NKAIN2: variants seen among roughly 807,000 people sequenced by gnomAD.
NKAIN2 encodes the protein sodium/potassium-transporting ATPase subunit beta-1-interacting protein 2.
In NKAIN2, 14 loss-of-function variants were observed where a neutral mutation model predicts 32.6. The observed-to-expected ratio is 0.43, with a 90% CI of 0.28 to 0.67. The LOEUF (loss-of-function observed/expected upper bound fraction) is 0.67. Among genes scored for constraint, NKAIN2 ranks in the 30% least tolerant of loss-of-function variants. The pLI, the probability that NKAIN2 is intolerant of heterozygous loss-of-function variation, is 0.17. For synonymous variants in NKAIN2, 80 were observed against 87.2 expected, an observed-to-expected ratio of 0.92 and a Z score of 0.46; for missense variants, 198 against 258.3, an observed-to-expected ratio of 0.77 and a Z score of 1.60.
At chr6:124,772,308 A>G (rs1042036363) in intron 4 of NKAIN2, among the ~76,000 whole-genome samples, 15 of 152,182 alleles carry the variant, frequency 9.9e-5, no homozygotes, top group African/African-American at 3.1e-4. Flanking sequence ...TCTGAGATTC[A>G]GGATAATCCA....
At chr6:124,737,703 T>C (rs6915935) in intron 4 of NKAIN2, among the ~76,000 whole-genome samples, 88,237 of 151,572 alleles carry the variant, frequency 0.58, 26,083 homozygotes, top group East Asian at 0.72. Flanking sequence ...TTCCTTGAGA[T>C]TTGTTGAATG....
At chr6:123,906,877 A>G (rs1774902768) in intron 1 of NKAIN2, among the ~76,000 whole-genome samples, 1 of 152,232 alleles carries the variant, frequency 6.6e-6, no homozygotes, top group African/African-American at 2.4e-5. Flanking sequence ...TAAGCATTCT[A>G]GTAAACTGAA....
chr6:124,557,765 T>G (rs1466949200), intron 3 of NKAIN2, among the ~76,000 whole-genome samples: 1 of 152,196 alleles, frequency 6.6e-6, no homozygotes, highest in African/African-American at 2.4e-5. Flanking sequence ...CTTCCTACAT[T>G]GTTCTTTCCT....
rs1784380677 is a variant in NKAIN2 at position 124,090,743 on chromosome 6, C to T, written c.55-192262C>T. Among the ~76,000 whole-genome samples the T allele has an allele frequency of 3.3e-5, 5 of 152,080 alleles. No individual in the cohort carries two copies. In the South Asian group the frequency reaches 1.0e-3, roughly 32 times the overall value. ...TGTCAGGTTTTAATGAAGATTAAGT[C>T]ATAGGACACTCATAAAGTGCTGAGC... On this transcript the variant is annotated intron_variant, in intron 1 of 6. Coordinates refer to ENST00000368417, the MANE Select transcript of NKAIN2 (RefSeq NM_001040214.3).
chr6:123,847,377 T>C (rs972850552), intron 1 of NKAIN2, among the ~76,000 whole-genome samples: 1 of 152,194 alleles, frequency 6.6e-6, no homozygotes. Context: ...ATTGTATTGC[T>C]CAGCAAAGGG....
intron 1 of NKAIN2, among the ~76,000 whole-genome samples, chr6:123,939,076 A>G (rs144956709): frequency 6.6e-6 from 1 of 151,980 alleles, no homozygotes; most frequent in African/African-American, 2.4e-5. Flanking sequence ...CTTTAGAAGT[A>G]TAAGTAAAAG....
chr6:124,752,760 A>T (rs1227010028), intron 4 of NKAIN2, among the ~76,000 whole-genome samples: 1 of 152,118 alleles, frequency 6.6e-6, no homozygotes, highest in African/African-American at 2.4e-5. Context: ...ATATCTAAGT[A>T]TGCATCCAAT....
chr6:124,574,904 T>TGG (rs1026913049), intron 3 of NKAIN2, among the ~76,000 whole-genome samples: 1 of 152,226 alleles, frequency 6.6e-6, no homozygotes, highest in African/African-American at 2.4e-5. Flanking sequence ...TAAGATGTAC[T>TGG]GGGTTATACA....
At chr6:123,958,367 G>A (rs1181705516) in intron 1 of NKAIN2, among the ~76,000 whole-genome samples, 2 of 152,218 alleles carry the variant, frequency 1.3e-5, no homozygotes, top group Admixed American at 6.5e-5. Context: ...GGATGCCCCA[G>A]GGACAGCAGT....
intron 1 of NKAIN2, among the ~76,000 whole-genome samples, chr6:123,907,793 C>T (rs1048365813): frequency 1.3e-5 from 2 of 152,128 alleles, no homozygotes; most frequent in Non-Finnish European, 2.9e-5. Flanking sequence ...TTCCCCCCTT[C>T]ATCTTCACTG....
chr6:124,643,011 T>C (rs1370874793), intron 3 of NKAIN2, among the ~76,000 whole-genome samples: 1 of 152,168 alleles, frequency 6.6e-6, no homozygotes, highest in Non-Finnish European at 1.5e-5. Context: ...AATAATGGCA[T>C]CTGTGTTACC....
At chr6:123,840,618 C>T (rs1411262823) in intron 1 of NKAIN2, among the ~76,000 whole-genome samples, 1 of 152,060 alleles carries the variant, frequency 6.6e-6, no homozygotes, top group Admixed American at 6.5e-5. Flanking sequence ...GGATGTCAAA[C>T]ATCTAAGATC....
At chr6:123,971,471 A>T (rs910795623) in intron 1 of NKAIN2, among the ~76,000 whole-genome samples, 2 of 152,108 alleles carry the variant, frequency 1.3e-5, no homozygotes, top group South Asian at 4.1e-4. Flanking sequence ...TCCAGACAAG[A>T]AGTATACATT....
intron 3 of NKAIN2, among the ~76,000 whole-genome samples, chr6:124,521,115 T>G (rs975644019): frequency 2.6e-5 from 4 of 152,158 alleles, no homozygotes; most frequent in African/African-American, 9.6e-5. Context: ...CCAATTTGTA[T>G]GCTTTTTTGT....
Position 123,990,218 on chromosome 6 carries a change from C to T in NKAIN2, c.54+185964C>T, listed in dbSNP as rs534134050. On this transcript the variant is annotated intron_variant, in intron 1 of 6. Coordinates refer to ENST00000368417, the MANE Select transcript of NKAIN2 (RefSeq NM_001040214.3). ...CCTCTACCTGGTCCCACCCTCGACA[C>T]GTGGGGATTATAAGGATTATGGGGA... Among the ~76,000 whole-genome samples, 12 of 152,208 alleles carry T rather than the reference C, an allele frequency of 7.9e-5. No individual in the cohort carries two copies. In the East Asian group the frequency reaches 9.7e-4, roughly 12 times the overall value.
At chr6:124,048,524 A>G (rs1423795925) in intron 1 of NKAIN2, among the ~76,000 whole-genome samples, 1 of 152,074 alleles carries the variant, frequency 6.6e-6, no homozygotes, top group Non-Finnish European at 1.5e-5. Context: ...ATTTTCTTTA[A>G]TGACTACTGT....
At chr6:124,336,004 C>T (rs1358916078) in intron 2 of NKAIN2, among the ~76,000 whole-genome samples, 2 of 152,024 alleles carry the variant, frequency 1.3e-5, no homozygotes, top group Non-Finnish European at 2.9e-5. Flanking sequence ...GAATTTGTAT[C>T]ATCTTACTGA....
intron 1 of NKAIN2, among the ~76,000 whole-genome samples, chr6:123,875,199 C>CA (rs953267526): frequency 1.2e-4 from 18 of 151,630 alleles, no homozygotes; most frequent in African/African-American, 4.1e-4. Context: ...TTTCTAAACA[C>CA]TTTTTTTTAC....
intron 3 of NKAIN2, among the ~76,000 whole-genome samples, chr6:124,586,200 A>G (rs1709589245): frequency 6.6e-6 from 1 of 152,230 alleles, no homozygotes; most frequent in African/African-American, 2.4e-5. Context: ...TCATATAAAT[A>G]GTACCACATA....
Sources: gnomAD v4.1 joint callset for allele counts (sites outside exome capture counted in the v4.1 genomes callset) on GRCh38, gnomAD v4.1.1 for gene constraint, MANE v1.5 for transcripts, NCBI Gene and HGNC (gene_info 2026-07-23, HGNC 2026-07-21) for gene names.